The following DSCAM variants were observed in gnomAD, a reference collection of about 807,000 sequenced individuals.
DSCAM encodes DS cell adhesion molecule.
DSCAM carries 47 observed loss-of-function variants against 217.7 expected under a neutral mutation model. The ratio of observed to expected loss-of-function variants is 0.22; its 90% CI spans 0.17 to 0.28. The LOEUF is 0.28. Among genes scored for constraint, DSCAM ranks in the 10% least tolerant of loss-of-function variants. The pLI is 1.00. For missense variants in DSCAM, 2,080 were observed against 2,618.3 expected (o/e 0.79, Z 4.49); for synonymous variants, 1,056 against 1,015.3 (o/e 1.04, Z -0.76).
intron 3 of DSCAM, among the ~76,000 whole-genome samples, chr21:40,589,237 A>C (rs2076967214): frequency 6.6e-6 from 1 of 152,238 alleles, no homozygotes; most frequent in South Asian, 2.1e-4. Context: ...CAGTACAATT[A>C]ATGTTTAACT....
chr21:40,663,634 G>A (rs1192130160), intron 3 of DSCAM, among the ~76,000 whole-genome samples: 1 of 152,082 alleles, frequency 6.6e-6, no homozygotes, highest in African/African-American at 2.4e-5. Flanking sequence ...CCCTTCTCAG[G>A]GATTTTGGAG....
chr21:40,120,229 T>C (rs1175688533), intron 20 of DSCAM, among the ~76,000 whole-genome samples: 1 of 152,238 alleles, frequency 6.6e-6, no homozygotes, highest in East Asian at 1.9e-4. Context: ...AACATTATCA[T>C]CTGAAGCTGG....
intron 8 of DSCAM, among the ~76,000 whole-genome samples, chr21:40,316,802 C>T (rs1237494116): frequency 6.6e-6 from 1 of 152,140 alleles, no homozygotes; most frequent in Non-Finnish European, 1.5e-5. Flanking sequence ...TTGACTCTTA[C>T]TCTATCTAAA....
chr21:40,759,077 C>A (rs1457898195), intron 1 of DSCAM, among the ~76,000 whole-genome samples: 1 of 152,020 alleles, frequency 6.6e-6, no homozygotes, highest in Non-Finnish European at 1.5e-5. Flanking sequence ...TGAGGAGGCA[C>A]AAAAAGGAGA....
chr21:40,481,814 C>T (rs1601677785), intron 3 of DSCAM, among the ~76,000 whole-genome samples: 1 of 152,172 alleles, frequency 6.6e-6, no homozygotes, highest in Non-Finnish European at 1.5e-5. Context: ...TTTGGCTCTC[C>T]ATCCATAACA....
At chr21:40,837,835 C>T (rs76737212) in intron 1 of DSCAM, among the ~76,000 whole-genome samples, 8,278 of 152,272 alleles carry the variant, frequency 0.054, 275 homozygotes, top group South Asian at 0.11. Flanking sequence ...CAGCTCATTC[C>T]TAAAGTCTCA....
rs549848780 is a variant in DSCAM at position 40,438,260 on chromosome 21, G to C, written c.509-69015C>G. On this transcript the variant is annotated intron_variant, in intron 3 of 32. Coordinates refer to ENST00000400454, the MANE Select transcript of DSCAM (RefSeq NM_001389.5). The stretch of plus-strand genomic sequence containing the variant: ...TTTAATGATCACACTCAATAAAATA[G>C]AGCTTGTGATATTGTCCAAAGTAAA... Among the ~76,000 whole-genome samples the C allele has an allele frequency of 2.0e-5, 3 of 152,256 alleles. No individual in the cohort carries two copies. In the South Asian group the frequency reaches 6.2e-4, roughly 32 times the overall value.
chr21:40,035,671 G>C (rs937608589), intron 32 of DSCAM, among the ~76,000 whole-genome samples: 8 of 150,380 alleles, frequency 5.3e-5, no homozygotes, highest in African/African-American at 1.7e-4. Context: ...GGACCTAATA[G>C]ACATCTACAG....
chr21:40,689,458 C>T (rs1310190746), intron 3 of DSCAM, among the ~76,000 whole-genome samples: 1 of 152,236 alleles, frequency 6.6e-6, no homozygotes, highest in African/African-American at 2.4e-5. Context: ...GCCTGTGAAT[C>T]ATGCTTTTGG....
At chr21:40,781,312 G>T (rs1358658951) in intron 1 of DSCAM, among the ~76,000 whole-genome samples, 1 of 152,166 alleles carries the variant, frequency 6.6e-6, no homozygotes, top group Non-Finnish European at 1.5e-5. Flanking sequence ...GAGCCACCGT[G>T]CCTGGCCCAT....
rs1472521300 is a variant in DSCAM at position 40,011,775 on chromosome 21, CA to C, written c.*1258del. On this transcript the variant is annotated 3_prime_UTR_variant, in exon 33 of 33. Coordinates refer to ENST00000400454, the MANE Select transcript of DSCAM (RefSeq NM_001389.5). ...CACTTTCCTCTGGTTACAGAGGATT[CA>C]GGCAATGTTTATTAAGATGGTCTAT... 3 of 152,146 alleles carry C rather than the reference CA, an allele frequency of 2.0e-5. No homozygotes were observed. Among genetic ancestry groups the C allele is most frequent in the African/African-American group, 7.2e-5 (3 of 41,430 alleles). The allele number at this position is 152,146 out of a possible 1,614,324, so 9.4% of individuals were successfully genotyped here. A position where few individuals can be genotyped will look rare whatever the true frequency, so the allele number is the denominator to read the frequency against.
chr21:40,532,725 G>C (rs1164347043), intron 3 of DSCAM, among the ~76,000 whole-genome samples: 1 of 152,172 alleles, frequency 6.6e-6, no homozygotes, highest in East Asian at 1.9e-4. Context: ...AAAGGAAAGA[G>C]CAAGAGAGCC....
At position 40,445,181 on chromosome 21, in the gene DSCAM, A is replaced by C. The variant is rs148494966; in HGVS notation, c.509-75936T>G. 2.2e-4 allele frequency among the ~76,000 whole-genome samples: 33 copies of C among 152,226 alleles called. 1 individual carries two copies. The East Asian group carries it at 6.0e-3, about 28-fold the overall frequency. On this transcript the variant is annotated intron_variant, in intron 3 of 32. Coordinates refer to ENST00000400454, the MANE Select transcript of DSCAM (RefSeq NM_001389.5). ...CATGAGAGTGGAGTTCTCATGTCTTAATCACTTCCCAAAAGGCTCTACCTC... is the reference window on the plus strand; with the variant it reads ...CATGAGAGTGGAGTTCTCATGTCTTCATCACTTCCCAAAAGGCTCTACCTC...
At chr21:40,829,495 T>C (rs562537786) in intron 1 of DSCAM, among the ~76,000 whole-genome samples, 44 of 152,316 alleles carry the variant, frequency 2.9e-4, no homozygotes, top group Non-Finnish European at 5.6e-4. Context: ...TCTGATGCAA[T>C]GGCAGATAGG....
At chr21:40,617,727 A>G (rs2089423011) in intron 3 of DSCAM, among the ~76,000 whole-genome samples, 1 of 152,196 alleles carries the variant, frequency 6.6e-6, no homozygotes, top group Admixed American at 6.5e-5. Context: ...TGACATTGCC[A>G]TATGACTTCT....
intron 3 of DSCAM, among the ~76,000 whole-genome samples, chr21:40,446,375 C>T (rs1441474456): frequency 6.6e-6 from 1 of 152,146 alleles, no homozygotes; most frequent in East Asian, 1.9e-4. Flanking sequence ...AAGGTCCAGT[C>T]CTATGGCCAC....
chr21:40,591,352 A>G (rs1212869250), intron 3 of DSCAM, among the ~76,000 whole-genome samples: 1 of 152,232 alleles, frequency 6.6e-6, no homozygotes, highest in African/African-American at 2.4e-5. Context: ...GAATTCCAAG[A>G]TCAAAATTCC....
At chr21:40,406,608 T>C (rs2075281722) in intron 3 of DSCAM, among the ~76,000 whole-genome samples, 1 of 152,180 alleles carries the variant, frequency 6.6e-6, no homozygotes, top group Admixed American at 6.5e-5. Flanking sequence ...TGTTTGTTTT[T>C]GAGACAGGGT....
chr21:40,833,113 G>T (rs2092025247), intron 1 of DSCAM, among the ~76,000 whole-genome samples: 1 of 152,148 alleles, frequency 6.6e-6, no homozygotes, highest in Admixed American at 6.5e-5. Flanking sequence ...ACACTCAGAA[G>T]GGAAAGGAAG....
Sources: allele counts gnomAD v4.1 joint callset (sites outside exome capture counted in the v4.1 genomes callset), GRCh38; gene constraint gnomAD v4.1.1; transcripts MANE v1.5; gene names NCBI Gene and HGNC (gene_info 2026-07-23, HGNC 2026-07-21).